The following LANCL1 variants were observed in gnomAD, a reference collection of about 807,000 sequenced individuals.
LANCL1 encodes the protein LanC like glutathione S-transferase 1, also known as glutathione S-transferase LANCL1.
Under a neutral mutation model 50.6 loss-of-function variants are expected in LANCL1, and 50 were observed. The observed-to-expected ratio is 0.99, with a 90% CI of 0.79 to 1.25. The LOEUF is 1.25. Among genes scored for constraint, LANCL1 ranks in the 50% most tolerant of loss-of-function variants. The pLI, the probability that LANCL1 is intolerant of heterozygous loss-of-function variation, is 0.00. For missense variants in LANCL1, 532 were observed against 480.7 expected (o/e 1.11, Z -1.00); for synonymous variants, 188 against 178.6 (o/e 1.05, Z -0.42).
chr2:210,455,175 G>T lies in LANCL1; in HGVS notation c.339C>A (p.Pro113=). 1 of 1,613,740 alleles carries T rather than the reference G, an allele frequency of 6.2e-7. No homozygotes were observed. Among genetic ancestry groups the T allele is most frequent in the Non-Finnish European group, 8.5e-7 (1 of 1,179,750 alleles). Residue 113 remains proline (P), a synonymous_variant, in exon 4 of 10, where the codon CCC becomes CCA. Coordinates refer to ENST00000450366, the MANE Select transcript of LANCL1 (RefSeq NM_006055.3). ...SITFLCGDAG[P]LAVAAVLYHK... is the part of the protein sequence containing the mutation. ...GATATAGCACAGCGGCCACTGCCAG[G>T]GGGCCTGCATCCCCACAAAGGAAGG...
intron 4 of LANCL1, among the ~76,000 whole-genome samples, chr2:210,449,656 A>G (rs562445669): frequency 6.6e-6 from 1 of 152,340 alleles, no homozygotes; most frequent in African/African-American, 2.4e-5. Flanking sequence ...AAGTCTCAGG[A>G]TACAAAATCA....
At chr2:210,446,144 GC>G (rs147194727) in intron 4 of LANCL1, among the ~76,000 whole-genome samples, 3,608 of 152,238 alleles carry the variant, frequency 0.024, 69 homozygotes, top group Admixed American at 0.052. Context: ...GTGAGTCCCT[GC>G]CCCCCTGTGC....
intron 3 of LANCL1, among the ~76,000 whole-genome samples, chr2:210,457,535 A>G (rs1482818320): frequency 6.6e-6 from 1 of 152,186 alleles, no homozygotes; most frequent in Non-Finnish European, 1.5e-5. Context: ...GTCCTAATAC[A>G]TACTTGTGGG....
rs557581363 is a variant in LANCL1, at chr2:210,474,168, A to G, written c.82-2092T>C. On this transcript the variant is annotated intron_variant, in intron 2 of 9. Transcript: ENST00000450366. ...CTCTAGCTATAATCTGAAGTCTCTA[A>G]AAGTCCTTTTTTCTTTTCTATTTTT... is the stretch of plus-strand genomic sequence containing the variant. Among the ~76,000 whole-genome samples, 4 of 152,294 alleles carry G rather than the reference A, an allele frequency of 2.6e-5. No homozygotes were observed. The South Asian group carries it at 8.3e-4, about 32-fold the overall frequency.
intron 3 of LANCL1, among the ~76,000 whole-genome samples, chr2:210,461,819 A>G (rs970731337): frequency 1.3e-5 from 2 of 152,098 alleles, no homozygotes; most frequent in African/African-American, 2.4e-5. Context: ...GGGAAAAAAA[A>G]TGAAATAAGG....
chr2:210,440,910 A>G (rs1371922088), intron 5 of LANCL1, among the ~76,000 whole-genome samples, 166 bp from the exon 6 acceptor site: 1 of 152,154 alleles, frequency 6.6e-6, no homozygotes, highest in African/African-American at 2.4e-5. Flanking sequence ...AGTGTGTGGG[A>G]CTGTATTTAG....
intron 3 of LANCL1, among the ~76,000 whole-genome samples, chr2:210,461,949 T>C (rs951290907): frequency 3.9e-5 from 6 of 152,232 alleles, no homozygotes; most frequent in Non-Finnish European, 1.5e-5. Context: ...TAAATGTTTA[T>C]TTCTAACACA....
In LANCL1 at chr2:210,476,432, C is replaced by G. The variant is rs2287418; in HGVS notation, c.-16-20G>C. 810,991 of 1,605,498 alleles carry G rather than the reference C, an allele frequency of 0.51. 209,298 individuals are homozygous for G. Among genetic ancestry groups the G allele is most frequent in the East Asian group, 0.6 (26,941 of 44,632 alleles). The stretch of plus-strand genomic sequence containing the variant: ...GCAAGCCTGCAGAACAGGGGAAAAA[C>G]AGAAACTAGGTTGAGATAGGGGCCT... On this transcript the variant is annotated intron_variant, in intron 1 of 9. Coordinates refer to ENST00000450366, the MANE Select transcript of LANCL1 (RefSeq NM_006055.3).
chr2:210,477,506 G>A, upstream of LANCL1: 2 of 1,280,004 alleles, frequency 1.6e-6, no homozygotes, highest in Non-Finnish European at 2.0e-6. Context: ...CAGTTAAAAA[G>A]TCAGCCTCAC....
At chr2:210,450,383 T>C (rs2105902967) in intron 4 of LANCL1, among the ~76,000 whole-genome samples, 1 of 152,284 alleles carries the variant, frequency 6.6e-6, no homozygotes, top group East Asian at 1.9e-4. Context: ...CCTAAAACCA[T>C]AAAATCACTA....
At position 210,436,365 on chromosome 2, in the gene LANCL1, C is replaced by T. The variant is rs1692932886; in HGVS notation, c.901G>A (p.Asp301Asn). 8 of 1,613,856 alleles carry T rather than the reference C, an allele frequency of 5.0e-6. No individual in the cohort carries two copies. The African/African-American group carries it at 9.3e-5, about 19-fold the overall frequency. The change falls in exon 8 of 10, where the codon GAT (aspartate) becomes AAT (asparagine). Residue 301 changes from aspartate (D) to asparagine (N), a missense_variant. Transcript: ENST00000450366. ...ATCACATCAGCACACTGATAGGCAT[C>T]ACAGAGATACTTTTCCTCTCTGAAT... ...KVFREEKYLC[D>N]AYQCADVIWQ...
chr2:210,459,169 G>C (rs1427769319), intron 3 of LANCL1, among the ~76,000 whole-genome samples: 1 of 151,966 alleles, frequency 6.6e-6, no homozygotes. Context: ...CTAGAGTTTA[G>C]AATTATTTTA....
chr2:210,476,308 A>G lies in LANCL1; in HGVS notation c.81+8T>C. The G allele has an allele frequency of 6.2e-7, 1 of 1,608,878 alleles. No homozygotes were observed. The highest frequency in any genetic ancestry group is 8.5e-7 in the Non-Finnish European group (1 of 1,175,272). On this transcript the variant is annotated splice_region_variant and intron_variant, in intron 2 of 9. Transcript: ENST00000450366. ...GCAGGGATGCAGGCAGACATATCCT[A>G]AACTCACCCTCCCGGCAGCATCAAA...
rs777652541 is a variant in LANCL1, at chr2:210,455,248, T to G, written c.266A>C (p.His89Pro). 1 of 1,613,072 alleles carries G rather than the reference T, an allele frequency of 6.2e-7. No homozygotes were observed. The highest frequency in any genetic ancestry group is 8.5e-7 in the Non-Finnish European group (1 of 1,179,738). ...FGDPAYLQLAHGYVKQSLNCL... is the reference protein window; with the variant it reads ...FGDPAYLQLAPGYVKQSLNCL... Reference sequence around the variant, plus strand: ...GTTCAGACTTTGCTTTACATAGCCATGTGCTAACTGTAGGTAGGCAGGGTC... The same window carrying G: ...GTTCAGACTTTGCTTTACATAGCCAGGTGCTAACTGTAGGTAGGCAGGGTC... Residue 89 changes from histidine (H) to proline (P), a missense_variant, in exon 4 of 10, where the codon CAT (histidine) becomes CCT (proline). Physicochemically the swap from His to Pro is moderately conservative, Grantham distance 77. Transcript: ENST00000450366.
chr2:210,449,666 A>G (rs1693451909), intron 4 of LANCL1, among the ~76,000 whole-genome samples: 1 of 152,216 alleles, frequency 6.6e-6, no homozygotes. Context: ...ATACAAAATC[A>G]ATGTGCAAAA....
Position 210,437,789 on chromosome 2 carries a change from A to G in LANCL1, c.774T>C (p.Ser258=). The change falls in exon 7 of 10, where the codon TCT becomes TCC. Residue 258 remains serine (S), a synonymous_variant. Coordinates refer to ENST00000450366, the MANE Select transcript of LANCL1 (RefSeq NM_006055.3). The part of the protein sequence containing the change: ...VDYVCQLKFP[S]GNYPPCIGDN... ...CACCTATACATGGAGGGTAATTGCC[A>G]GAAGGGAATTTCAGCTGGCAGACGT... is the stretch of plus-strand genomic sequence containing the variant. The G allele has an allele frequency of 6.2e-7, 1 of 1,613,640 alleles. No homozygotes were observed. Among genetic ancestry groups the G allele is most frequent in the Non-Finnish European group, 8.5e-7 (1 of 1,179,750 alleles).
At chr2:210,464,852 G>T (rs1315601353) in intron 3 of LANCL1, among the ~76,000 whole-genome samples, 1 of 150,438 alleles carries the variant, frequency 6.6e-6, no homozygotes. Context: ...TGTAGTCCCA[G>T]CTACTCGGGA....
chr2:210,466,903 G>A (rs1025125889), intron 3 of LANCL1, among the ~76,000 whole-genome samples: 6 of 152,196 alleles, frequency 3.9e-5, no homozygotes, highest in South Asian at 2.1e-4. Context: ...TGACTTCACA[G>A]GCACCAATCA....
intron 3 of LANCL1, among the ~76,000 whole-genome samples, chr2:210,467,694 T>A (rs1436617884): frequency 6.6e-6 from 1 of 152,198 alleles, no homozygotes; most frequent in Non-Finnish European, 1.5e-5. Flanking sequence ...AGAGTGTCAA[T>A]GGGCATGTGC....
Sources: gnomAD v4.1 joint callset for allele counts (sites outside exome capture counted in the v4.1 genomes callset) on GRCh38, gnomAD v4.1.1 for gene constraint, MANE v1.5 for transcripts, NCBI Gene and HGNC (gene_info 2026-07-23, HGNC 2026-07-21) for gene names.